Variants in UHRF2 observed in about 807,000 individuals in gnomAD.
UHRF2 encodes the protein E3 ubiquitin-protein ligase UHRF2.
UHRF2 carries 23 observed loss-of-function variants against 96.8 expected under a neutral mutation model. The ratio of observed to expected loss-of-function variants is 0.24; its 90% confidence interval spans 0.17 to 0.34. The LOEUF (loss-of-function observed/expected upper bound fraction) is 0.34. UHRF2 is among the 10% of genes least tolerant of loss of function. The pLI is 1.00. For missense variants in UHRF2, 685 were observed against 981.5 expected, an observed-to-expected ratio of 0.70 and a Z score of 4.04; for synonymous variants, 385 against 332.6, an observed-to-expected ratio of 1.16 and a Z score of -1.72.
At chr9:6,478,489 A>G (rs1823723933) in intron 6 of UHRF2, among the ~76,000 whole-genome samples, 1 of 152,254 alleles carries the variant, frequency 6.6e-6, no homozygotes, top group South Asian at 2.1e-4. Flanking sequence ...GATACATTGA[A>G]GAAGGCTCCA....
intron 4 of UHRF2, among the ~76,000 whole-genome samples, chr9:6,470,972 C>G (rs2130879214): frequency 6.6e-6 from 1 of 152,126 alleles, no homozygotes. Context: ...AGACAATGAT[C>G]AACAAACTAG....
chr9:6,455,319 C>T (rs951574978), intron 3 of UHRF2, among the ~76,000 whole-genome samples: 4 of 152,094 alleles, frequency 2.6e-5, no homozygotes, highest in Admixed American at 6.5e-5. Flanking sequence ...CCCGGGTGTG[C>T]GATGTTCCCC....
intron 4 of UHRF2, 142 bp from the exon 5 acceptor site, chr9:6,475,249 A>G: frequency 2.3e-6 from 1 of 430,724 alleles, no homozygotes; most frequent in Non-Finnish European, 4.1e-6. Context: ...TGAAAACAAT[A>G]GTTCAGAATG....
At chr9:6,458,038 G>C (rs537626785) in intron 3 of UHRF2, among the ~76,000 whole-genome samples, 5 of 152,266 alleles carry the variant, frequency 3.3e-5, no homozygotes, top group African/African-American at 1.2e-4. Context: ...AGTTAGGGAG[G>C]AGTCCCTCTT....
At chr9:6,504,462 A>G (rs879879465) in intron 14 of UHRF2, 131 bp from the exon 15 acceptor site, 18 of 600,070 alleles carry the variant, frequency 3.0e-5, no homozygotes, top group East Asian at 5.7e-5. Flanking sequence ...GTTCATCACT[A>G]TAAACATCTT....
At chr9:6,458,562 C>T (rs1011546642) in intron 3 of UHRF2, among the ~76,000 whole-genome samples, 17 of 151,282 alleles carry the variant, frequency 1.1e-4, no homozygotes, top group South Asian at 4.2e-4. Flanking sequence ...GCTCTTGCTT[C>T]TCTAGTTCTT....
chr9:6,474,481 A>G (rs1823442127), intron 4 of UHRF2, among the ~76,000 whole-genome samples: 1 of 152,144 alleles, frequency 6.6e-6, no homozygotes, highest in African/African-American at 2.4e-5. Flanking sequence ...CGAGGCGGGC[A>G]GGTCACCTGA....
At chr9:6,473,639 T>C (rs1441780495) in intron 4 of UHRF2, among the ~76,000 whole-genome samples, 2 of 152,178 alleles carry the variant, frequency 1.3e-5, no homozygotes, top group East Asian at 3.9e-4. Context: ...GACTGAGTCT[T>C]TAGCCCAGGA....
At chr9:6,466,004 GTAATA>G (rs1442608190) in intron 4 of UHRF2, among the ~76,000 whole-genome samples, 1 of 152,192 alleles carries the variant, frequency 6.6e-6, no homozygotes, top group Non-Finnish European at 1.5e-5. Context: ...ACTTACTACT[GTAATA>G]TAATATTTAC....
chr9:6,428,147 A>G (rs1465051591), intron 2 of UHRF2, among the ~76,000 whole-genome samples: 2 of 152,208 alleles, frequency 1.3e-5, no homozygotes, highest in Admixed American at 6.5e-5. Context: ...TATAATAGAA[A>G]GTACTGGAAA....
chr9:6,446,000 T>TTTTTTTC (rs1821475655), intron 3 of UHRF2, among the ~76,000 whole-genome samples: 2 of 139,820 alleles, frequency 1.4e-5, no homozygotes, highest in Non-Finnish European at 3.1e-5. Context: ...TTTTTTTTTT[T>TTTTTTTC]CCTGTTTTTG....
Position 6,499,978 on chromosome 9 carries a change from G to A in UHRF2, c.2005+47G>A, listed in dbSNP as rs374855910. ...TAAATAATAATAACATACTTTTGTT[G>A]TTGTTGTTGTTGAGACGGGGTCTCA... On this transcript the variant is annotated intron_variant, in intron 13 of 15. Coordinates refer to ENST00000276893, the MANE Select transcript of UHRF2 (RefSeq NM_152896.3). The A allele has an allele frequency of 2.5e-5, 35 of 1,422,564 alleles. No individual in the cohort carries two copies. The African/African-American group carries it at 3.8e-4, about 16-fold the overall frequency. 88.1% of individuals were successfully genotyped at this position (1,422,564 alleles called of 1,614,324 possible). A position where few individuals can be genotyped will look rare whatever the true frequency, so the allele number is the denominator to read the frequency against.
chr9:6,429,120 G>C (rs1053423025), intron 2 of UHRF2, among the ~76,000 whole-genome samples: 1 of 151,214 alleles, frequency 6.6e-6, no homozygotes, highest in African/African-American at 2.4e-5. Context: ...AGCCAACATC[G>C]CACCACTGCA....
At chr9:6,482,200 C>A in intron 8 of UHRF2, 101 bp downstream of exon 8, 1 of 940,514 alleles carries the variant, frequency 1.1e-6, no homozygotes, top group South Asian at 1.5e-5. Context: ...ACATGACATT[C>A]ACTTGTTAGA....
rs150819696 is a variant in UHRF2, at chr9:6,481,100, C to G, written c.1161-543C>G. 1.4e-4 allele frequency among the ~76,000 whole-genome samples: 22 copies of G among 152,252 alleles called. No individual in the cohort carries two copies. The East Asian group carries it at 4.2e-3, about 29-fold the overall frequency. ...AAGGCAGTTTACGAAATACAAGTTA[C>G]AGTAGGGTAATCAATTACAAATAGG... On this transcript the variant is annotated intron_variant, in intron 6 of 15. Coordinates refer to ENST00000276893, the MANE Select transcript of UHRF2 (RefSeq NM_152896.3).
At position 6,504,598 on chromosome 9, in the gene UHRF2, T is replaced by G; in HGVS notation, c.2169T>G (p.Phe723Leu). Residue 723 changes from phenylalanine to leucine, a missense_variant, in exon 15 of 16, where the codon TTT (phenylalanine) becomes TTG (leucine). Around this residue, in one of 6 missense-constraint regions of UHRF2, gnomAD observed 71 missense variants for 114.1 expected, o/e 0.62. Transcript: ENST00000276893. ...ATCCTTGGATACTGTTCTAGAATTT[T>G]CTGAAAAAATTGGAACAATCTTTTA... Reference protein sequence around the residue: ...VLSHLVEGPNFLKKLEQSFMC... With the variant: ...VLSHLVEGPNLLKKLEQSFMC... 6.2e-7 allele frequency: 1 copy of G among 1,612,708 alleles called. No homozygotes were observed. Among genetic ancestry groups the G allele is most frequent in the South Asian group, 1.1e-5 (1 of 90,756 alleles).
At chr9:6,504,456 A>T (rs762145614) in intron 14 of UHRF2, 137 bp from the exon 15 acceptor site, 5 of 569,358 alleles carry the variant, frequency 8.8e-6, no homozygotes, top group Non-Finnish European at 1.5e-5. Context: ...TGGAATGTTC[A>T]TCACTATAAA....
intron 6 of UHRF2, among the ~76,000 whole-genome samples, chr9:6,478,173 C>G (rs142234499): frequency 6.6e-5 from 10 of 152,308 alleles, no homozygotes; most frequent in African/African-American, 2.2e-4. Flanking sequence ...TTTCATTTCC[C>G]CAAATACTCT....
intron 5 of UHRF2, among the ~76,000 whole-genome samples, chr9:6,476,301 C>G (rs1030182589): frequency 2.6e-5 from 4 of 152,016 alleles, no homozygotes; most frequent in African/African-American, 9.7e-5. Flanking sequence ...GCTGTTTCTT[C>G]TGTTATAGAT....
Sources: gnomAD v4.1 joint callset for allele counts (sites outside exome capture counted in the v4.1 genomes callset) on GRCh38, gnomAD v4.1.1 for gene constraint, gnomAD v4.1.1 regional missense constraint, MANE v1.5 for transcripts, NCBI Gene and HGNC (gene_info 2026-07-23, HGNC 2026-07-21) for gene names.